DOCK4: variants seen among roughly 807,000 people sequenced by gnomAD.
The protein encoded by DOCK4 is dedicator of cytokinesis 4.
A neutral mutation model predicts 268.1 loss-of-function variants in DOCK4; 97 were observed. That is an observed-to-expected ratio of 0.36 (90% confidence interval 0.31 to 0.43). The LOEUF is 0.43. Among genes scored for constraint, DOCK4 ranks in the 20% least tolerant of loss-of-function variants. The probability of loss-of-function intolerance (pLI) is 1.00; values close to 1 mark genes in which losing one functional copy is unlikely to be tolerated. For synonymous variants in DOCK4, 954 were observed against 887.2 expected (o/e 1.08, Z -1.34); for missense variants, 2,145 against 2,455.7 (o/e 0.87, Z 2.67).
intron 52 of DOCK4, among the ~76,000 whole-genome samples, chr7:111,730,035 T>A (rs1794969452): frequency 6.6e-6 from 1 of 152,202 alleles, no homozygotes; most frequent in Non-Finnish European, 1.5e-5. Flanking sequence ...CTTTAAAAGC[T>A]GAGAAGGGCT....
At chr7:111,804,668 T>C (rs1435769961) in intron 30 of DOCK4, among the ~76,000 whole-genome samples, 1 of 152,052 alleles carries the variant, frequency 6.6e-6, no homozygotes, top group Non-Finnish European at 1.5e-5. Flanking sequence ...GGCGCGATCT[T>C]GGCTCACTGC....
At chr7:112,023,031 G>C (rs576949832) in intron 1 of DOCK4, among the ~76,000 whole-genome samples, 1 of 152,024 alleles carries the variant, frequency 6.6e-6, no homozygotes, top group African/African-American at 2.4e-5. Flanking sequence ...GTTTTTCAGC[G>C]ATTCTCCTGC....
At chr7:112,063,462 G>C (rs1011342701) in intron 1 of DOCK4, among the ~76,000 whole-genome samples, 4 of 152,134 alleles carry the variant, frequency 2.6e-5, no homozygotes, top group African/African-American at 7.2e-5. Flanking sequence ...AACACTTACA[G>C]TAAGCCCACA....
chr7:112,034,761 G>T (rs1259910734), intron 1 of DOCK4, among the ~76,000 whole-genome samples: 1 of 152,150 alleles, frequency 6.6e-6, no homozygotes, highest in Non-Finnish European at 1.5e-5. Flanking sequence ...TTAGTGTTTG[G>T]TGTGGTGGCG....
chr7:112,067,695 C>T (rs1807204998), intron 1 of DOCK4, among the ~76,000 whole-genome samples: 1 of 152,162 alleles, frequency 6.6e-6, no homozygotes, highest in Admixed American at 6.5e-5. Flanking sequence ...ACGGCTTTGA[C>T]TTCTTTCCAG....
chr7:111,737,118 T>TAGGAACAAATAATTTA (rs1292257661), intron 49 of DOCK4, 129 bp from the exon 50 acceptor site: 8 of 687,358 alleles, frequency 1.2e-5, no homozygotes. Flanking sequence ...ATGATGAGCC[T>TAGGAACAAATAATTTA]AGGAACAAAT....
At chr7:111,868,756 T>G (rs1030851352) in intron 21 of DOCK4, among the ~76,000 whole-genome samples, 1 of 152,198 alleles carries the variant, frequency 6.6e-6, no homozygotes, top group East Asian at 1.9e-4. Flanking sequence ...TGGAGTATGA[T>G]GAACACTAAG....
At position 111,783,921 on chromosome 7, in the gene DOCK4, G is replaced by A. The variant is rs370422284; in HGVS notation, c.3460C>T (p.Arg1154Trp). 10 of 1,606,598 alleles carry A rather than the reference G, an allele frequency of 6.2e-6. No homozygotes were observed. The highest frequency in any genetic ancestry group is 1.1e-5 in the South Asian group (1 of 89,496). The change falls in exon 34 of 53, where the codon CGG (arginine) becomes TGG (tryptophan). Residue 1154 changes from arginine (R) to tryptophan (W), a missense_variant. Transcript: ENST00000428084. ...LLKKIERETW[R>W]ESGVSLIATV... ...GCAATTAATGAAACGCCACTTTCCC[G>A]CCATGTTTCCCGCTCAATTTTCTTT...
intron 9 of DOCK4, 61 bp from the exon 10 acceptor site, chr7:111,944,932 A>C: frequency 4.4e-6 from 6 of 1,360,546 alleles, no homozygotes; most frequent in Non-Finnish European, 6.3e-6. Context: ...AGGGCATAGC[A>C]CTTTATTTTC....
At chr7:111,830,470 C>A (rs1296505038) in intron 26 of DOCK4, among the ~76,000 whole-genome samples, 1 of 151,966 alleles carries the variant, frequency 6.6e-6, no homozygotes, top group African/African-American at 2.4e-5. Flanking sequence ...GACTAATTAG[C>A]CTTTACTAAA....
chr7:112,133,806 C>A (rs968786409), intron 1 of DOCK4, among the ~76,000 whole-genome samples: 1 of 152,150 alleles, frequency 6.6e-6, no homozygotes, highest in Non-Finnish European at 1.5e-5. Flanking sequence ...AAGACTGCTT[C>A]TTTGGAAGAG....
intron 36 of DOCK4, among the ~76,000 whole-genome samples, chr7:111,772,252 G>A (rs1402040362): frequency 6.6e-6 from 1 of 151,976 alleles, no homozygotes; most frequent in East Asian, 1.9e-4. Context: ...CTAAAAAAAT[G>A]TATTTTAAAA....
chr7:112,124,386 G>A (rs900946845), intron 1 of DOCK4, among the ~76,000 whole-genome samples: 7 of 152,178 alleles, frequency 4.6e-5, no homozygotes, highest in African/African-American at 1.7e-4. Flanking sequence ...TAAAGCATAA[G>A]TGAGAAATGG....
At chr7:112,180,056 A>G (rs779037213) in intron 1 of DOCK4, among the ~76,000 whole-genome samples, 1 of 151,994 alleles carries the variant, frequency 6.6e-6, no homozygotes, top group Non-Finnish European at 1.5e-5. Flanking sequence ...ATGGAAAACA[A>G]AATTCCAAAG....
chr7:111,897,968 C>G lies in DOCK4; in HGVS notation c.1481-2250G>C, dbSNP rs866122472. On this transcript the variant is annotated intron_variant, in intron 15 of 52. Coordinates refer to ENST00000428084, the MANE Select transcript of DOCK4 (RefSeq NM_001363540.2). ...TCTGTTAATATTCTGTAAAAAAGAA[C>G]TGAACCATTACCATCGTAATGCAGA... Among the ~76,000 whole-genome samples, 3 of 152,286 alleles carry G rather than the reference C, an allele frequency of 2.0e-5. No individual in the cohort carries two copies. The Middle Eastern group carries it at 0.01, about 518-fold the overall frequency.
chr7:112,013,366 C>T (rs775479714), intron 1 of DOCK4, among the ~76,000 whole-genome samples: 2 of 152,206 alleles, frequency 1.3e-5, no homozygotes, highest in African/African-American at 2.4e-5. Context: ...TGAACAAATA[C>T]CAATTTTTAC....
chr7:111,846,262 A>G (rs1194839298), intron 24 of DOCK4, among the ~76,000 whole-genome samples: 1 of 152,244 alleles, frequency 6.6e-6, no homozygotes, highest in East Asian at 1.9e-4. Flanking sequence ...ACTCCGCTCC[A>G]TAAAACCTGT....
At chr7:111,741,329 G>T in intron 46 of DOCK4, 115 bp from the exon 47 acceptor site, 1 of 1,462,268 alleles carries the variant, frequency 6.8e-7, no homozygotes, top group Non-Finnish European at 9.3e-7. Context: ...GTTTTCTCCT[G>T]TTTGCCTCAA....
chr7:111,887,457 G>A (rs1465717735), intron 16 of DOCK4, among the ~76,000 whole-genome samples: 1 of 152,180 alleles, frequency 6.6e-6, no homozygotes, highest in African/African-American at 2.4e-5. Context: ...TCCATAAAGA[G>A]AAATGAGTCC....
Sources: gnomAD v4.1 joint callset for allele counts (sites outside exome capture counted in the v4.1 genomes callset) on GRCh38, gnomAD v4.1.1 for gene constraint, MANE v1.5 for transcripts, NCBI Gene and HGNC (gene_info 2026-07-23, HGNC 2026-07-21) for gene names.